SOBP: variants seen among roughly 807,000 people sequenced by gnomAD.
SOBP encodes sine oculis binding protein homolog.
SOBP carries 4 observed loss-of-function variants against 53.6 expected under a neutral mutation model. The ratio of observed to expected loss-of-function variants is 0.07; its 90% CI spans 0.04 to 0.17. The LOEUF is 0.17. Among genes scored for constraint, SOBP ranks in the 10% least tolerant of loss-of-function variants. SOBP has a pLI of 1.00. For synonymous variants in SOBP, 584 were observed against 522.6 expected (o/e 1.12, Z -1.60); for missense variants, 1,088 against 1,204.7 (o/e 0.90, Z 1.43).
chr6:107,609,013 A>G (rs536898978), intron 5 of SOBP, among the ~76,000 whole-genome samples: 41 of 152,304 alleles, frequency 2.7e-4, no homozygotes, highest in African/African-American at 8.7e-4. Flanking sequence ...AGTGTCATCA[A>G]ATATGTCCCC....
chr6:107,505,738 C>T (rs1331830560), intron 2 of SOBP, among the ~76,000 whole-genome samples: 1 of 152,176 alleles, frequency 6.6e-6, no homozygotes, highest in African/African-American at 2.4e-5. Flanking sequence ...GCAACCTCGG[C>T]CTCGCAGATT....
At chr6:107,656,862 T>C (rs375666030) in intron 6 of SOBP, among the ~76,000 whole-genome samples, 2 of 152,248 alleles carry the variant, frequency 1.3e-5, no homozygotes. Context: ...TCTGAAGTTA[T>C]TTGTTCATTG....
At chr6:107,490,735 A>G in intron 1 of SOBP, 23 bp downstream of exon 1, 2 of 1,534,900 alleles carry the variant, frequency 1.3e-6, no homozygotes, top group East Asian at 2.4e-5. Context: ...CTCGGGGGCC[A>G]GGGAGACTGA....
intron 4 of SOBP, among the ~76,000 whole-genome samples, chr6:107,551,661 A>T (rs1378634628): frequency 1.3e-5 from 2 of 152,264 alleles, no homozygotes; most frequent in Non-Finnish European, 2.9e-5. Flanking sequence ...AATTTCATGA[A>T]ATAATACCAT....
At chr6:107,601,491 TTTAGA>T (rs1207890134) in intron 5 of SOBP, among the ~76,000 whole-genome samples, 7 of 152,368 alleles carry the variant, frequency 4.6e-5, no homozygotes, top group Non-Finnish European at 8.8e-5. Flanking sequence ...TCTGAAACTA[TTTAGA>T]TTAAATTTTA....
At chr6:107,593,354 G>A (rs1279530818) in intron 5 of SOBP, among the ~76,000 whole-genome samples, 7 of 152,160 alleles carry the variant, frequency 4.6e-5, no homozygotes, top group African/African-American at 1.4e-4. Context: ...GAGCATGGGG[G>A]ATCTTTGCCC....
intron 5 of SOBP, among the ~76,000 whole-genome samples, chr6:107,616,983 CAG>C (rs879643448): frequency 1.3e-5 from 2 of 152,178 alleles, no homozygotes; most frequent in Non-Finnish European, 2.9e-5. Context: ...AGGCAGCAGA[CAG>C]GGGCTCCCGG....
At chr6:107,591,427 T>C (rs2115065565) in intron 5 of SOBP, among the ~76,000 whole-genome samples, 1 of 152,328 alleles carries the variant, frequency 6.6e-6, no homozygotes, top group East Asian at 1.9e-4. Flanking sequence ...GAAGAGATTG[T>C]TTCTGTATGC....
intron 4 of SOBP, among the ~76,000 whole-genome samples, chr6:107,561,877 G>C (rs1476337358): frequency 6.6e-6 from 1 of 152,158 alleles, no homozygotes; most frequent in Admixed American, 6.5e-5. Flanking sequence ...ACGACAGAAA[G>C]AAATAGATCC....
intron 5 of SOBP, among the ~76,000 whole-genome samples, chr6:107,607,281 T>C (rs1360062596): frequency 1.3e-5 from 2 of 152,110 alleles, no homozygotes; most frequent in African/African-American, 4.8e-5. Flanking sequence ...AGGCAATTGG[T>C]GACAATTTGT....
chr6:107,601,622 G>A (rs1436943683), intron 5 of SOBP, among the ~76,000 whole-genome samples: 1 of 152,094 alleles, frequency 6.6e-6, no homozygotes, highest in African/African-American at 2.4e-5. Context: ...GAGCCTCTCC[G>A]CCTTCTGTCT....
chr6:107,555,141 A>G (rs1784572163), intron 4 of SOBP, among the ~76,000 whole-genome samples: 1 of 150,038 alleles, frequency 6.7e-6, no homozygotes, highest in African/African-American at 2.5e-5. Context: ...CCATCCACCC[A>G]CCCGTTCTCC....
At chr6:107,559,955 G>A (rs76671066) in intron 4 of SOBP, among the ~76,000 whole-genome samples, 2,251 of 152,190 alleles carry the variant, frequency 0.015, 45 homozygotes, top group African/African-American at 0.052. Context: ...ATAGAACTGA[G>A]TTATGACTTT....
At chr6:107,570,074 G>A (rs1785030547) in intron 4 of SOBP, among the ~76,000 whole-genome samples, 1 of 152,180 alleles carries the variant, frequency 6.6e-6, no homozygotes. Context: ...GAGAATAACG[G>A]GACTGGTTAA....
chr6:107,597,321 T>C (rs942734066), intron 5 of SOBP, among the ~76,000 whole-genome samples: 1 of 152,198 alleles, frequency 6.6e-6, no homozygotes, highest in Admixed American at 6.5e-5. Flanking sequence ...GATGCTCCAG[T>C]GAAACACCAT....
chr6:107,625,285 C>A (rs1270682325), intron 5 of SOBP, among the ~76,000 whole-genome samples: 1 of 152,136 alleles, frequency 6.6e-6, no homozygotes, highest in Non-Finnish European at 1.5e-5. Flanking sequence ...GAGATGGATA[C>A]CAGGGGCTGA....
intron 4 of SOBP, among the ~76,000 whole-genome samples, chr6:107,564,502 T>G (rs528865600): frequency 9.2e-5 from 14 of 152,158 alleles, no homozygotes; most frequent in Non-Finnish European, 1.9e-4. Context: ...ATAATCTGCA[T>G]TCCCACAGGA....
chr6:107,640,520 A>T (rs766346464), intron 6 of SOBP, among the ~76,000 whole-genome samples: 1 of 152,194 alleles, frequency 6.6e-6, no homozygotes, highest in Non-Finnish European at 1.5e-5. Flanking sequence ...TCATGGACAC[A>T]TGTGAGTGGG....
In SOBP at chr6:107,606,140, G is replaced by A. The variant is rs113830428; in HGVS notation, c.669+18965G>A. Among the ~76,000 whole-genome samples the A allele has an allele frequency of 7.3e-3, 942 of 129,744 alleles. 4 individuals are homozygous for A. Among genetic ancestry groups the A allele is most frequent in the Non-Finnish European group, 0.011 (683 of 64,932 alleles). 85.1% of individuals were successfully genotyped at this position (129,744 alleles called of 152,430 possible). ...CTCCCAGGCTGGAGTGTAGTAGCGC[G>A]ATCTCGGCTCACTGCAGCCTCCACT... is the stretch of plus-strand genomic sequence containing the variant. On this transcript the variant is annotated intron_variant, in intron 5 of 6. Transcript: ENST00000317357.
Sources: allele counts gnomAD v4.1 joint callset (sites outside exome capture counted in the v4.1 genomes callset), GRCh38; gene constraint gnomAD v4.1.1; transcripts MANE v1.5; gene names NCBI Gene and HGNC (gene_info 2026-07-23, HGNC 2026-07-21).